ACTR3C: variants seen among roughly 807,000 people sequenced by gnomAD.
The protein encoded by ACTR3C is actin related protein 3C.
ACTR3C carries 18 observed loss-of-function variants against 26.3 expected under a neutral mutation model. The ratio of observed to expected loss-of-function variants is 0.68; its 90% CI spans 0.47 to 1.01. ACTR3C has a LOEUF of 1.01. ACTR3C is among the 50% of genes least tolerant of loss of function. ACTR3C has a pLI of 0.00. For missense variants in ACTR3C, 184 were observed against 250.7 expected (o/e 0.73, Z 1.80); for synonymous variants, 55 against 94.5 (o/e 0.58, Z 2.42).
chr7:149,959,225 C>T, the ACTR3C span, among the ~76,000 whole-genome samples: 6 of 16,402 alleles, frequency 3.7e-4, no homozygotes, highest in African/African-American at 7.6e-4. Context: ...TTAGCTCGCC[C>T]CCCACCCCCA....
At chr7:150,091,844 C>T in the ACTR3C span, among the ~76,000 whole-genome samples, 7 of 150,946 alleles carry the variant, frequency 4.6e-5, no homozygotes, top group South Asian at 2.1e-4. Flanking sequence ...AAAAATTAGC[C>T]GGGCGTGGTG....
the ACTR3C span, among the ~76,000 whole-genome samples, chr7:150,071,217 G>A: frequency 1.3e-4 from 20 of 151,630 alleles, no homozygotes; most frequent in African/African-American, 3.9e-4. Flanking sequence ...TCCGCCTCCC[G>A]GGTTCATGCC....
Position 150,295,403 on chromosome 7 carries a change from C to A in ACTR3C, c.-51-56G>T, listed in dbSNP as rs1404771512. ...TTACCCAAATTTCATGTAAATACAT[C>A]AGAACCATAAACAGGTTAACCTGAA... On this transcript the variant is annotated intron_variant, in intron 1 of 7. Transcript: ENST00000683684. 4 of 1,552,690 alleles carry A rather than the reference C, an allele frequency of 2.6e-6. No homozygotes were observed. In the Admixed American group the frequency reaches 6.7e-5, roughly 26 times the overall value.
the ACTR3C span, among the ~76,000 whole-genome samples, chr7:149,967,525 G>T: frequency 6.6e-6 from 1 of 152,144 alleles, no homozygotes; most frequent in African/African-American, 2.4e-5. Flanking sequence ...AGGAGGGTGA[G>T]GTTGGGCCCC....
At chr7:150,305,420 C>T (rs1164961355) in intron 1 of ACTR3C, among the ~76,000 whole-genome samples, 1 of 152,048 alleles carries the variant, frequency 6.6e-6, no homozygotes, top group Admixed American at 6.6e-5. Context: ...CACAAAGTCT[C>T]CCTAAAACAC....
chr7:149,955,349 GATTA>G, the ACTR3C span, among the ~76,000 whole-genome samples: 2 of 152,070 alleles, frequency 1.3e-5, no homozygotes, highest in East Asian at 1.9e-4. Context: ...CTGATTAACT[GATTA>G]ATTGATTAAT....
chr7:150,153,342 C>T, the ACTR3C span, among the ~76,000 whole-genome samples: 1 of 148,832 alleles, frequency 6.7e-6, no homozygotes, highest in African/African-American at 2.5e-5. Flanking sequence ...GGGCTAATAT[C>T]CAGAATCTAC....
At chr7:150,223,635 C>T in the ACTR3C span, among the ~76,000 whole-genome samples, 1 of 151,650 alleles carries the variant, frequency 6.6e-6, no homozygotes, top group African/African-American at 2.4e-5. Flanking sequence ...ATCATAAGTC[C>T]AGATGTTCCT....
chr7:149,922,047 TG>T, the ACTR3C span, among the ~76,000 whole-genome samples: 1 of 145,078 alleles, frequency 6.9e-6, no homozygotes, highest in African/African-American at 2.4e-5. Context: ...CAGGTCTCCC[TG>T]GACTTGCTTG....
chr7:149,886,213 C>T, the ACTR3C span, among the ~76,000 whole-genome samples: 2 of 152,228 alleles, frequency 1.3e-5, no homozygotes, highest in African/African-American at 2.4e-5. Context: ...CACACTGATG[C>T]ACTTTGCGGA....
the ACTR3C span, among the ~76,000 whole-genome samples, chr7:149,932,035 A>T: frequency 0.013 from 2,023 of 152,374 alleles, 48 homozygotes; most frequent in African/African-American, 0.045. Flanking sequence ...TGAGCATAAC[A>T]GTTCATAGCA....
chr7:149,921,088 C>T, the ACTR3C span, among the ~76,000 whole-genome samples: 74 of 152,306 alleles, frequency 4.9e-4, 1 homozygote, highest in African/African-American at 1.4e-3. Flanking sequence ...AACCAGGATA[C>T]GCTTCCATTT....
At chr7:149,930,411 G>A in the ACTR3C span, among the ~76,000 whole-genome samples, 1 of 152,186 alleles carries the variant, frequency 6.6e-6, no homozygotes, top group Non-Finnish European at 1.5e-5. Flanking sequence ...GAGTGACAAA[G>A]CAAATGTTAA....
At chr7:149,913,886 C>CTCATATTTCCT in the ACTR3C span, among the ~76,000 whole-genome samples, 1 of 118,954 alleles carries the variant, frequency 8.4e-6, no homozygotes, top group Admixed American at 9.1e-5. Flanking sequence ...TCATATGTCC[C>CTCATATTTCCT]TTTTTTTTTT....
the ACTR3C span, among the ~76,000 whole-genome samples, chr7:150,146,934 C>A: frequency 6.6e-6 from 1 of 152,102 alleles, no homozygotes; most frequent in Non-Finnish European, 1.5e-5. Flanking sequence ...GCTGGAAGAA[C>A]CTTAAGTCAT....
chr7:149,966,787 C>T, the ACTR3C span, among the ~76,000 whole-genome samples: 6 of 152,126 alleles, frequency 3.9e-5, no homozygotes, highest in African/African-American at 1.4e-4. Context: ...CTCACTAGTT[C>T]CTCTTTGTCT....
chr7:150,149,570 C>T, the ACTR3C span, among the ~76,000 whole-genome samples: 44 of 144,700 alleles, frequency 3.0e-4, no homozygotes, highest in Non-Finnish European at 6.1e-4. Context: ...GTTCAATTCC[C>T]ACCTATGAGT....
At chr7:150,031,411 G>C in the ACTR3C span, among the ~76,000 whole-genome samples, 5 of 152,312 alleles carry the variant, frequency 3.3e-5, no homozygotes, top group South Asian at 1.0e-3. Flanking sequence ...CTTAAGGCCA[G>C]TGGGATACCA....
the ACTR3C span, among the ~76,000 whole-genome samples, chr7:150,100,297 C>T: frequency 1.3e-5 from 2 of 151,808 alleles, no homozygotes; most frequent in South Asian, 4.1e-4. Context: ...TTTCATCCTG[C>T]TCTCAGCAGA....
Sources: gnomAD v4.1 joint callset for allele counts (sites outside exome capture counted in the v4.1 genomes callset) on GRCh38, gnomAD v4.1.1 for gene constraint, MANE v1.5 for transcripts, NCBI Gene and HGNC (gene_info 2026-07-23, HGNC 2026-07-21) for gene names.